Variants in CLSTN2 observed in about 807,000 individuals in gnomAD.
The protein encoded by CLSTN2 is calsyntenin-2.
A neutral mutation model predicts 101.2 loss-of-function variants in CLSTN2; 48 were observed. The ratio of observed to expected loss-of-function variants is 0.47; its 90% confidence interval spans 0.38 to 0.60. The LOEUF is 0.60. Ranked by LOEUF, CLSTN2 falls within the 20% of genes least tolerant of loss-of-function variation. The pLI is 0.00. For missense variants in CLSTN2, 1,160 were observed against 1,238.2 expected (o/e 0.94, Z 0.95); for synonymous variants, 481 against 463.6 (o/e 1.04, Z -0.48).
At chr3:139,944,453 C>T (rs1362338567) in intron 1 of CLSTN2, among the ~76,000 whole-genome samples, 1 of 152,236 alleles carries the variant, frequency 6.6e-6, no homozygotes, top group Non-Finnish European at 1.5e-5. Context: ...CTGAGAACCA[C>T]TCCAGCAAAC....
intron 3 of CLSTN2, 142 bp downstream of exon 3, chr3:140,403,966 G>A: frequency 3.1e-6 from 2 of 651,506 alleles, no homozygotes; most frequent in Non-Finnish European, 5.2e-6. Context: ...CAGTTTCCTG[G>A]TCCCATGCAG....
chr3:140,002,818 G>A (rs1019192671), intron 1 of CLSTN2, among the ~76,000 whole-genome samples: 1 of 150,076 alleles, frequency 6.7e-6, no homozygotes, highest in Admixed American at 6.6e-5. Context: ...TGAAGAGACT[G>A]TATTTTCCCC....
intron 5 of CLSTN2, among the ~76,000 whole-genome samples, chr3:140,423,624 C>A (rs1376369607): frequency 6.6e-6 from 1 of 152,154 alleles, no homozygotes; most frequent in African/African-American, 2.4e-5. Flanking sequence ...CCTAATCAAT[C>A]CTTTATTCTT....
chr3:140,319,564 T>G (rs904444713), intron 2 of CLSTN2, among the ~76,000 whole-genome samples: 2 of 152,194 alleles, frequency 1.3e-5, no homozygotes, highest in African/African-American at 4.8e-5. Context: ...CCTGTAGGGT[T>G]AGGGAAGGGC....
intron 1 of CLSTN2, among the ~76,000 whole-genome samples, chr3:140,173,648 A>T (rs1037758349): frequency 6.6e-6 from 1 of 152,198 alleles, no homozygotes; most frequent in African/African-American, 2.4e-5. Flanking sequence ...AGGCATTTCC[A>T]TACATGTTCT....
intron 1 of CLSTN2, among the ~76,000 whole-genome samples, chr3:140,120,007 C>T (rs751405151): frequency 2.6e-5 from 4 of 152,216 alleles, no homozygotes; most frequent in Non-Finnish European, 4.4e-5. Context: ...TAATCACCAA[C>T]ACAGAGGAAG....
intron 1 of CLSTN2, among the ~76,000 whole-genome samples, chr3:140,166,967 C>T (rs912913412): frequency 2.0e-5 from 3 of 152,166 alleles, no homozygotes; most frequent in Admixed American, 6.5e-5. Context: ...TGACTAACCT[C>T]GCTCTGTTGG....
intron 2 of CLSTN2, among the ~76,000 whole-genome samples, chr3:140,286,971 G>C (rs577256498): frequency 1.3e-5 from 2 of 152,132 alleles, no homozygotes; most frequent in East Asian, 3.9e-4. Flanking sequence ...GGTCAGGAGA[G>C]GGGAAACAGG....
intron 2 of CLSTN2, among the ~76,000 whole-genome samples, chr3:140,199,274 G>A (rs1423361241): frequency 2.0e-5 from 3 of 152,178 alleles, no homozygotes; most frequent in Non-Finnish European, 4.4e-5. Context: ...GAAATGAGAA[G>A]AAACTATGGT....
At chr3:140,279,144 C>G (rs964870260) in intron 2 of CLSTN2, among the ~76,000 whole-genome samples, 1 of 152,176 alleles carries the variant, frequency 6.6e-6, no homozygotes, top group African/African-American at 2.4e-5. Flanking sequence ...CCTATGAGAT[C>G]CATCCCATTG....
Position 140,181,507 on chromosome 3 carries a change from T to G in CLSTN2, c.232+5434T>G, listed in dbSNP as rs534216675. Among the ~76,000 whole-genome samples the G allele has an allele frequency of 2.6e-5, 4 of 152,324 alleles. No homozygotes were observed. In the East Asian group the frequency reaches 7.7e-4, roughly 29 times the overall value. ...ATTTGTACTGTCAAGGTATGTTGCC[T>G]AGATTGTTGGGTAGTGTAATGGTGT... On this transcript the variant is annotated intron_variant, in intron 2 of 16. Coordinates refer to ENST00000458420, the MANE Select transcript of CLSTN2 (RefSeq NM_022131.3).
At chr3:140,524,463 G>T (rs986900678) in intron 8 of CLSTN2, among the ~76,000 whole-genome samples, 32 of 152,178 alleles carry the variant, frequency 2.1e-4, no homozygotes, top group African/African-American at 7.5e-4. Flanking sequence ...CTTGAGTTAA[G>T]ATATCACGTC....
intron 1 of CLSTN2, among the ~76,000 whole-genome samples, chr3:140,094,212 C>CT (rs1250126193): frequency 3.9e-5 from 6 of 152,114 alleles, no homozygotes; most frequent in South Asian, 2.1e-4. Context: ...CTAAAAACAT[C>CT]TTTTTTCTAA....
chr3:140,259,634 C>T (rs553239335), intron 2 of CLSTN2, among the ~76,000 whole-genome samples: 44 of 152,220 alleles, frequency 2.9e-4, no homozygotes, highest in Admixed American at 2.4e-3. Flanking sequence ...CCTTCCCTCC[C>T]ACCTTTTCAA....
chr3:140,563,894 A>C, intron 15 of CLSTN2, 67 bp from the exon 16 acceptor site: 1 of 1,496,834 alleles, frequency 6.7e-7, no homozygotes, highest in East Asian at 2.3e-5. Flanking sequence ...TGTTTCATTC[A>C]TGCTCCCTCA....
chr3:139,973,444 T>C (rs1037098507), intron 1 of CLSTN2, among the ~76,000 whole-genome samples: 2 of 152,112 alleles, frequency 1.3e-5, no homozygotes, highest in Non-Finnish European at 2.9e-5. Context: ...ATTTGTCTGA[T>C]CTAAAGATAA....
In CLSTN2 at chr3:140,144,529, T is replaced by C. The variant is rs1337572755; in HGVS notation, c.110-31422T>C. Among the ~76,000 whole-genome samples the C allele has an allele frequency of 1.3e-5, 2 of 152,062 alleles. 1 individual carries two copies. The highest frequency in any genetic ancestry group is 1.3e-4 in the Admixed American group (2 of 15,276). On this transcript the variant is annotated intron_variant, in intron 1 of 16. Coordinates refer to ENST00000458420, the MANE Select transcript of CLSTN2 (RefSeq NM_022131.3). ...TACTCAGAGGCTGAGGCAGAGAGAA[T>C]TGCTTGAACCCAGGAGGCGTAGGTT...
At chr3:139,948,948 A>C (rs1023007768) in intron 1 of CLSTN2, among the ~76,000 whole-genome samples, 2 of 152,096 alleles carry the variant, frequency 1.3e-5, no homozygotes, top group African/African-American at 4.8e-5. Flanking sequence ...AACCCTCTCC[A>C]CACTTGCCCC....
intron 2 of CLSTN2, among the ~76,000 whole-genome samples, chr3:140,375,298 TGTC>T: frequency 6.6e-6 from 1 of 152,314 alleles, no homozygotes; most frequent in East Asian, 1.9e-4. Context: ...AAAGGATAAA[TGTC>T]GTGCTTTGTG....
Sources: allele counts gnomAD v4.1 joint callset (sites outside exome capture counted in the v4.1 genomes callset), GRCh38; gene constraint gnomAD v4.1.1; transcripts MANE v1.5; gene names NCBI Gene and HGNC (gene_info 2026-07-23, HGNC 2026-07-21).